Variants in PSMA1 observed in about 807,000 individuals in gnomAD.
PSMA1 encodes proteasome 20S subunit alpha 1.
Under a neutral mutation model 38.4 loss-of-function variants are expected in PSMA1, and 3 were observed. The observed-to-expected ratio is 0.08, with a 90% CI of 0.04 to 0.20. The LOEUF is 0.20. Among genes scored for constraint, PSMA1 ranks in the 10% least tolerant of loss-of-function variants. PSMA1 has a pLI of 1.00. For missense variants in PSMA1, 227 were observed against 325.3 expected (o/e 0.70, Z 2.32); for synonymous variants, 101 against 107.1 (o/e 0.94, Z 0.35).
intron 2 of PSMA1, among the ~76,000 whole-genome samples, chr11:14,578,384 T>C (rs1565049199): frequency 6.6e-6 from 1 of 152,186 alleles, no homozygotes; most frequent in Non-Finnish European, 1.5e-5. Context: ...AAAGCATCAT[T>C]GTCAGTAGCT....
chr11:14,631,514 C>T (rs1853010939), intron 1 of PSMA1, among the ~76,000 whole-genome samples: 1 of 152,094 alleles, frequency 6.6e-6, no homozygotes, highest in African/African-American at 2.4e-5. Flanking sequence ...AGTTTGATTG[C>T]ACTGTGGTCT....
chr11:14,596,414 T>C (rs957070951), intron 2 of PSMA1, among the ~76,000 whole-genome samples: 7 of 152,092 alleles, frequency 4.6e-5, no homozygotes, highest in Admixed American at 2.6e-4. Flanking sequence ...TCCTCTTTTA[T>C]TTCCTTGAGC....
rs776768148 is a variant in PSMA1, at chr11:14,507,663, T to C, written c.728A>G (p.Lys243Arg). Reference sequence around the variant, plus strand: ...TGTGTTATGATTATATACCTGTGCCTTTCTCTGTGGTCTTTCTTCAAGACC... The same window carrying C: ...TGTGTTATGATTATATACCTGTGCCCTTCTCTGTGGTCTTTCTTCAAGACC... Reference protein sequence around the residue: ...LEGLEERPQRKAQPAQPADEP... With the variant: ...LEGLEERPQRRAQPAQPADEP... Residue 243 changes from lysine to arginine, a missense_variant, in exon 9 of 10, where the codon AAG (lysine) becomes AGG (arginine). Physicochemically the swap from Lys to Arg is conservative, Grantham distance 26. Transcript: ENST00000396394. 5 of 1,598,316 alleles carry C rather than the reference T, an allele frequency of 3.1e-6. No individual in the cohort carries two copies. In the South Asian group the frequency reaches 4.4e-5, roughly 14 times the overall value.
Position 14,506,408 on chromosome 11 carries a change from G to A in PSMA1, c.736-1160C>T, listed in dbSNP as rs540494536. On this transcript the variant is annotated intron_variant, in intron 9 of 9. Transcript: ENST00000396394. ...ACAGTGCTAGTTTTTACCAAAAACAGTTTAAATATTGCAAATCTTGATCCC... is the reference window on the plus strand; with the variant it reads ...ACAGTGCTAGTTTTTACCAAAAACAATTTAAATATTGCAAATCTTGATCCC... Among the ~76,000 whole-genome samples the A allele has an allele frequency of 5.9e-5, 9 of 152,112 alleles. No individual in the cohort carries two copies. In the East Asian group the frequency reaches 1.7e-3, roughly 29 times the overall value.
At chr11:14,606,246 T>C (rs930112746) in intron 2 of PSMA1, among the ~76,000 whole-genome samples, 1 of 152,178 alleles carries the variant, frequency 6.6e-6, no homozygotes, top group Non-Finnish European at 1.5e-5. Context: ...TGTGTTTCTG[T>C]ACCAGTACCA....
intron 2 of PSMA1, 77 bp downstream of exon 2, chr11:14,518,920 A>T: frequency 8.6e-7 from 1 of 1,158,970 alleles, no homozygotes; most frequent in Non-Finnish European, 1.2e-6. Context: ...CCCCAAGCCT[A>T]CGCTCTCACA....
chr11:14,633,853 T>C (rs572228278), intron 1 of PSMA1, among the ~76,000 whole-genome samples: 1 of 152,188 alleles, frequency 6.6e-6, no homozygotes, highest in African/African-American at 2.4e-5. Flanking sequence ...CGCCGTTTTT[T>C]AAGTCCGTCG....
At chr11:14,620,726 T>C (rs948401140) in intron 1 of PSMA1, among the ~76,000 whole-genome samples, 4 of 152,234 alleles carry the variant, frequency 2.6e-5, no homozygotes, top group Non-Finnish European at 5.9e-5. Flanking sequence ...CAACTTTTTT[T>C]GTAGATGAAA....
At chr11:14,634,633 C>T (rs557805095) in intron 1 of PSMA1, among the ~76,000 whole-genome samples, 19 of 152,106 alleles carry the variant, frequency 1.2e-4, no homozygotes, top group Admixed American at 1.0e-3. Context: ...CATGAGCCAC[C>T]GTGCATAGCC....
intron 2 of PSMA1, among the ~76,000 whole-genome samples, chr11:14,558,353 C>A (rs1471223674): frequency 6.6e-6 from 1 of 151,962 alleles, no homozygotes; most frequent in Non-Finnish European, 1.5e-5. Context: ...GAGATCAAGG[C>A]TGCAGTGAGC....
intron 2 of PSMA1, among the ~76,000 whole-genome samples, chr11:14,578,571 A>G (rs1457322836): frequency 6.6e-6 from 1 of 152,232 alleles, no homozygotes; most frequent in African/African-American, 2.4e-5. Context: ...CTTCTACTAT[A>G]AGAAGAAAGC....
intron 2 of PSMA1, among the ~76,000 whole-genome samples, chr11:14,605,015 G>A (rs1231264494): frequency 6.6e-6 from 1 of 152,176 alleles, no homozygotes; most frequent in Non-Finnish European, 1.5e-5. Flanking sequence ...TGATGAACAT[G>A]AGAATACATA....
chr11:14,554,899 A>G (rs566552324), intron 2 of PSMA1, among the ~76,000 whole-genome samples: 180 of 152,300 alleles, frequency 1.2e-3, no homozygotes, highest in South Asian at 6.2e-3. Flanking sequence ...TGTTTGACAG[A>G]TAGATTTGGA....
At chr11:14,583,852 T>C (rs1435181214) in intron 2 of PSMA1, among the ~76,000 whole-genome samples, 1 of 152,182 alleles carries the variant, frequency 6.6e-6, no homozygotes, top group Non-Finnish European at 1.5e-5. Flanking sequence ...CTGCTCAGTA[T>C]TTTTCCCACA....
rs1398992489 is a variant in PSMA1 at position 14,638,375 on chromosome 11, TTAA to T, written c.-166+5077_-166+5079del. Among the ~76,000 whole-genome samples the T allele has an allele frequency of 8.6e-5, 13 of 151,740 alleles. No homozygotes were observed. The South Asian group carries it at 2.1e-3, about 24-fold the overall frequency. On this transcript the variant is annotated intron_variant, in intron 1 of 10. Transcript: ENST00000418988. ...CTGCAATTTATTTCTAATTCCATGC[TTAA>T]TAAAAATTTTTTAAGAAAAGAATAG...
chr11:14,515,697 G>A (rs566580279), intron 4 of PSMA1, among the ~76,000 whole-genome samples: 1 of 151,790 alleles, frequency 6.6e-6, no homozygotes, highest in Admixed American at 6.6e-5. Flanking sequence ...GGGATTACAG[G>A]TGCCTGCCAC....
At chr11:14,573,675 G>A (rs1263572553) in intron 2 of PSMA1, among the ~76,000 whole-genome samples, 2 of 152,136 alleles carry the variant, frequency 1.3e-5, no homozygotes, top group African/African-American at 4.8e-5. Context: ...CAATCAGGCA[G>A]GAGAAAGAAA....
At chr11:14,595,725 G>A (rs1186956924) in intron 2 of PSMA1, among the ~76,000 whole-genome samples, 1 of 152,138 alleles carries the variant, frequency 6.6e-6, no homozygotes, top group Admixed American at 6.5e-5. Context: ...TTCTTTTGCT[G>A]TGCAGAAGCT....
rs750487173 is a variant in PSMA1 at position 14,513,775 on chromosome 11, TA to T, written c.414+41del. ...AAAATTATAAAAATTTCTAGTTAAT[TA>T]AAAAAAATCATTAACATATAACAAT... On this transcript the variant is annotated intron_variant, in intron 6 of 9. Coordinates refer to ENST00000396394, the MANE Select transcript of PSMA1 (RefSeq NM_002786.4). 216 of 1,543,596 alleles carry T rather than the reference TA, an allele frequency of 1.4e-4. 1 individual carries two copies. The highest frequency in any genetic ancestry group is 5.0e-5 in the South Asian group (4 of 80,370).
Sources: allele counts gnomAD v4.1 joint callset (sites outside exome capture counted in the v4.1 genomes callset), GRCh38; gene constraint gnomAD v4.1.1; transcripts MANE v1.5; gene names NCBI Gene and HGNC (gene_info 2026-07-23, HGNC 2026-07-21).